The following PCDHA5 variants were observed in gnomAD, a reference collection of about 807,000 sequenced individuals.
PCDHA5 encodes the protein protocadherin alpha 5.
Under a neutral mutation model 61.6 loss-of-function variants are expected in PCDHA5, and 43 were observed. That is an observed-to-expected ratio of 0.70 (90% CI 0.55 to 0.90). PCDHA5 has a LOEUF of 0.90. Among genes scored for constraint, PCDHA5 ranks in the 40% least tolerant of loss-of-function variants. The pLI is 0.00. For synonymous variants in PCDHA5, 627 were observed against 543.9 expected, an observed-to-expected ratio of 1.15 and a Z score of -2.13; for missense variants, 1,298 against 1,222.7, an observed-to-expected ratio of 1.06 and a Z score of -0.92.
At chr5:140,848,190 T>C in intron 1 of PCDHA5, 1 of 291,738 alleles carries the variant, frequency 3.4e-6, no homozygotes, top group South Asian at 6.2e-5. Flanking sequence ...CGGGATCTTC[T>C]GTTTCAACAA....
rs2150347171 is a variant in PCDHA5, at chr5:140,842,877, C to T, written c.2352+18750C>T. On this transcript the variant is annotated intron_variant, in intron 1 of 3. Coordinates refer to ENST00000529859, the MANE Select transcript of PCDHA5 (RefSeq NM_018908.3). Reference sequence around the variant, plus strand: ...CACACGGAGAGCGGCAAGGTGTACGCGCTGCAGCCGCTGGACCACGAGGAG... The same window carrying T: ...CACACGGAGAGCGGCAAGGTGTACGTGCTGCAGCCGCTGGACCACGAGGAG... 18 of 1,593,980 alleles carry T rather than the reference C, an allele frequency of 1.1e-5. 2 individuals carry two copies. Among genetic ancestry groups the T allele is most frequent in the Non-Finnish European group, 1.5e-5 (18 of 1,165,432 alleles).
At chr5:140,987,275 CTA>C (rs1554249023) in intron 3 of PCDHA5, among the ~76,000 whole-genome samples, 1 of 151,726 alleles carries the variant, frequency 6.6e-6, no homozygotes, top group Non-Finnish European at 1.5e-5. Context: ...ACCCGGCAGT[CTA>C]TGTTTTAACA....
intron 1 of PCDHA5, among the ~76,000 whole-genome samples, chr5:140,974,630 A>G (rs1252889789): frequency 6.7e-6 from 1 of 149,794 alleles, no homozygotes; most frequent in Non-Finnish European, 1.5e-5. Context: ...TCCTGCCTCA[A>G]CCTCCCGAGT....
intron 1 of PCDHA5, chr5:140,856,165 A>T: frequency 6.3e-7 from 1 of 1,598,366 alleles, no homozygotes; most frequent in South Asian, 1.1e-5. Flanking sequence ...AGGAGGCCAG[A>T]CACGGCACCT....
chr5:140,844,101 A>G lies in PCDHA5; in HGVS notation c.2352+19974A>G, dbSNP rs981033565. Among the ~76,000 whole-genome samples, 6 of 149,238 alleles carry G rather than the reference A, an allele frequency of 4.0e-5. 1 individual carries two copies. In the South Asian group the frequency reaches 1.1e-3, roughly 26 times the overall value. On this transcript the variant is annotated intron_variant, in intron 1 of 3. Transcript: ENST00000529859. ...GGCACTGAACTCTTAATCTTACTCC[A>G]TATGCTGTACTTTGAAATGCATGTT... is the stretch of plus-strand genomic sequence containing the variant.
At chr5:140,849,668 C>T (rs1208078689) in intron 1 of PCDHA5, 1 of 1,598,736 alleles carries the variant, frequency 6.3e-7, no homozygotes, top group Non-Finnish European at 8.6e-7. Flanking sequence ...CCCTGACGCC[C>T]CACGTCCCCT....
In PCDHA5 at chr5:140,870,953, C is replaced by T. The variant is rs782232980; in HGVS notation, c.2352+46826C>T. The T allele has an allele frequency of 3.2e-5, 51 of 1,613,668 alleles. No homozygotes were observed. In the East Asian group the frequency reaches 1.0e-3, roughly 32 times the overall value. ...GAATTGCAGCCGGCGGCGGGCGGCT[C>T]GCGCATCCCGTTCCGCGTGGGGCTG... On this transcript the variant is annotated intron_variant, in intron 1 of 3. Transcript: ENST00000529859.
intron 1 of PCDHA5, among the ~76,000 whole-genome samples, chr5:140,910,213 G>A (rs1375224674): frequency 6.6e-6 from 1 of 152,170 alleles, no homozygotes; most frequent in South Asian, 2.1e-4. Context: ...TGACCTGGAA[G>A]TTTTCTGCTT....
At chr5:140,926,947 G>C in intron 1 of PCDHA5, 1 of 1,590,600 alleles carries the variant, frequency 6.3e-7, no homozygotes, top group Non-Finnish European at 8.6e-7. Context: ...CGGCGCTGCA[G>C]CGGGACAGCT....
At chr5:140,931,602 T>C (rs1192023680) in intron 1 of PCDHA5, among the ~76,000 whole-genome samples, 12 of 152,084 alleles carry the variant, frequency 7.9e-5, no homozygotes, top group Non-Finnish European at 1.2e-4. Flanking sequence ...TTTTCCATCA[T>C]TGTTGATATT....
intron 1 of PCDHA5, chr5:140,884,134 C>A: frequency 6.2e-6 from 10 of 1,613,442 alleles, no homozygotes; most frequent in Non-Finnish European, 7.6e-6. Context: ...GCATCCCGTT[C>A]CGCGTGGGGC....
chr5:140,890,995 A>C (rs1554184607), intron 1 of PCDHA5, among the ~76,000 whole-genome samples: 2 of 152,138 alleles, frequency 1.3e-5, no homozygotes, highest in Non-Finnish European at 1.5e-5. Context: ...ATTTCATCAT[A>C]ATTATTGAAA....
At chr5:140,826,999 A>G (rs2150145975) in intron 1 of PCDHA5, among the ~76,000 whole-genome samples, 2 of 152,210 alleles carry the variant, frequency 1.3e-5, no homozygotes, top group African/African-American at 4.8e-5. Flanking sequence ...GACATGGGAA[A>G]TGCTCATGTC....
intron 1 of PCDHA5, among the ~76,000 whole-genome samples, chr5:140,908,509 A>G (rs1458307706): frequency 1.3e-5 from 2 of 152,116 alleles, no homozygotes; most frequent in Non-Finnish European, 2.9e-5. Flanking sequence ...TGACTTGATG[A>G]CCCATAGTCA....
At chr5:140,868,317 C>G (rs2050392446) in intron 1 of PCDHA5, 2 of 151,824 alleles carry the variant, frequency 1.3e-5, no homozygotes, top group South Asian at 4.2e-4. Context: ...TCATATTGTT[C>G]TGCAATGAAT....
intron 1 of PCDHA5, among the ~76,000 whole-genome samples, chr5:140,846,505 G>A (rs1780519041): frequency 6.8e-6 from 1 of 146,968 alleles, no homozygotes; most frequent in Non-Finnish European, 1.5e-5. Flanking sequence ...CTCCCAAGTA[G>A]CTGGGATTAC....
chr5:140,966,958 G>C (rs561982676), intron 1 of PCDHA5: 1 of 1,602,498 alleles, frequency 6.2e-7, no homozygotes, highest in South Asian at 1.1e-5. Context: ...TGGCTCGCGC[G>C]CTGGGGCTTG....
At chr5:140,875,543 G>A in intron 1 of PCDHA5, 1 of 1,614,164 alleles carries the variant, frequency 6.2e-7, no homozygotes, top group Non-Finnish European at 8.5e-7. Flanking sequence ...CTTGCAGCCT[G>A]GGAGGTGGGG....
At chr5:141,006,119 T>C (rs1327328997) in intron 3 of PCDHA5, among the ~76,000 whole-genome samples, 14 of 152,070 alleles carry the variant, frequency 9.2e-5, no homozygotes, top group South Asian at 4.2e-4. Context: ...TTTTTTTTTT[T>C]CTCAAGGCAG....
Sources: gnomAD v4.1 joint callset for allele counts (sites outside exome capture counted in the v4.1 genomes callset) on GRCh38, gnomAD v4.1.1 for gene constraint, MANE v1.5 for transcripts, NCBI Gene and HGNC (gene_info 2026-07-23, HGNC 2026-07-21) for gene names.